TPRG1: variants seen among roughly 807,000 people sequenced by gnomAD.
TPRG1 encodes the protein tumor protein p63 regulated 1, also known as tumor protein p63-regulated gene 1 protein.
TPRG1 carries 29 observed loss-of-function variants against 29.3 expected under a neutral mutation model. That is an observed-to-expected ratio of 0.99 (90% CI 0.74 to 1.35). The LOEUF (loss-of-function observed/expected upper bound fraction) is 1.35. TPRG1 is among the 40% of genes most tolerant of loss of function. The pLI is 0.00. For synonymous variants in TPRG1, 130 were observed against 116.8 expected (o/e 1.11, Z -0.73); for missense variants, 327 against 335.0 (o/e 0.98, Z 0.19).
chr3:189,275,021 T>G (rs1468811275), intron 4 of TPRG1, among the ~76,000 whole-genome samples: 1 of 149,966 alleles, frequency 6.7e-6, no homozygotes, highest in Non-Finnish European at 1.5e-5. Flanking sequence ...CACAAAACCA[T>G]GCATTCATCA....
At chr3:189,277,871 C>T (rs1191042245) in intron 4 of TPRG1, among the ~76,000 whole-genome samples, 1 of 152,180 alleles carries the variant, frequency 6.6e-6, no homozygotes, top group Non-Finnish European at 1.5e-5. Flanking sequence ...CTCACTACCT[C>T]CTCAGCCAGC....
chr3:189,235,173 T>C lies in TPRG1; in HGVS notation c.303-3560T>C, dbSNP rs867649317. Among the ~76,000 whole-genome samples, 15 of 151,414 alleles carry C rather than the reference T, an allele frequency of 9.9e-5. No homozygotes were observed. The South Asian group carries it at 1.3e-3, about 13-fold the overall frequency. On this transcript the variant is annotated intron_variant, in intron 3 of 5. Transcript: ENST00000345063. ...TAATTTCTCAGAAAAGCAAGAACTGTTGAAGTGTTTTGAACCAGGGTAGGG... is the reference window on the plus strand; with the variant it reads ...TAATTTCTCAGAAAAGCAAGAACTGCTGAAGTGTTTTGAACCAGGGTAGGG...
intron 4 of TPRG1, among the ~76,000 whole-genome samples, chr3:189,068,431 TA>T (rs992987314): frequency 2.0e-5 from 3 of 152,008 alleles, no homozygotes; most frequent in Admixed American, 6.6e-5. Context: ...ATGAATGGAT[TA>T]AAAAAAGATG....
At chr3:189,166,635 C>A (rs973711034) in intron 5 of TPRG1, among the ~76,000 whole-genome samples, 1 of 152,142 alleles carries the variant, frequency 6.6e-6, no homozygotes, top group African/African-American at 2.4e-5. Context: ...GGTGTCTCAG[C>A]GTTTCAAAAG....
At chr3:189,197,645 T>C (rs144058896) in intron 1 of TPRG1, among the ~76,000 whole-genome samples, 1 of 152,330 alleles carries the variant, frequency 6.6e-6, no homozygotes, top group East Asian at 1.9e-4. Flanking sequence ...CACAAATCCT[T>C]ATATAGGTTT....
intron 5 of TPRG1, among the ~76,000 whole-genome samples, chr3:189,155,629 A>G (rs1726565741): frequency 6.6e-6 from 1 of 152,254 alleles, no homozygotes; most frequent in Non-Finnish European, 1.5e-5. Flanking sequence ...ATAAATGGAT[A>G]AAGAAAATAG....
chr3:189,031,461 T>G (rs1713931870), intron 4 of TPRG1, among the ~76,000 whole-genome samples: 1 of 152,228 alleles, frequency 6.6e-6, no homozygotes, highest in African/African-American at 2.4e-5. Flanking sequence ...TACTTAGATA[T>G]TAACATCTCT....
chr3:189,280,014 C>G (rs1290169068), intron 4 of TPRG1, among the ~76,000 whole-genome samples: 1 of 152,146 alleles, frequency 6.6e-6, no homozygotes, highest in Non-Finnish European at 1.5e-5. Context: ...GGATTGGTAG[C>G]CACTTCCCAT....
At position 189,012,256 on chromosome 3, in the gene TPRG1, A is replaced by G. The variant is rs201869284; in HGVS notation, c.-660+7496A>G. Among the ~76,000 whole-genome samples, 9 of 152,232 alleles carry G rather than the reference A, an allele frequency of 5.9e-5. No homozygotes were observed. In the East Asian group the frequency reaches 1.7e-3, roughly 29 times the overall value. On this transcript the variant is annotated intron_variant, in intron 3 of 10. Coordinates refer to the TPRG1 transcript ENST00000433971. ...CTAGCATTTGCCCATTCACTGTGAT[A>G]TTGGTTGTGGGTTTGTCATATATGA...
At chr3:189,246,427 A>G (rs1741394624) in intron 4 of TPRG1, among the ~76,000 whole-genome samples, 1 of 152,160 alleles carries the variant, frequency 6.6e-6, no homozygotes, top group African/African-American at 2.4e-5. Flanking sequence ...TTGTATTTAA[A>G]GTGTGTTTGT....
intron 4 of TPRG1, among the ~76,000 whole-genome samples, chr3:189,281,577 A>G (rs1717136662): frequency 6.6e-6 from 1 of 152,236 alleles, no homozygotes; most frequent in Non-Finnish European, 1.5e-5. Flanking sequence ...TATAAGAGAT[A>G]TGGAGACATT....
intron 5 of TPRG1, among the ~76,000 whole-genome samples, chr3:189,159,032 G>C (rs1727091332): frequency 6.6e-6 from 1 of 151,588 alleles, no homozygotes; most frequent in African/African-American, 2.4e-5. Context: ...GACATTTGCT[G>C]TCTCCGGGAT....
At chr3:189,302,779 C>T (rs1560675415) in intron 4 of TPRG1, among the ~76,000 whole-genome samples, 1 of 152,174 alleles carries the variant, frequency 6.6e-6, no homozygotes. Flanking sequence ...TAACTTGTTG[C>T]ATTTTCCTTA....
chr3:189,044,349 C>A (rs1578235182), intron 4 of TPRG1, among the ~76,000 whole-genome samples: 3 of 151,988 alleles, frequency 2.0e-5, no homozygotes. Flanking sequence ...GAGGTCAGGA[C>A]TTTGAGACCA....
chr3:189,290,522 A>G lies in TPRG1; in HGVS notation c.480-19864A>G, dbSNP rs181304238. ...GTCTTAACCCCTGTTAGGAATAAAT[A>G]GAACAAACAGATACGTTTTCCATCG... On this transcript the variant is annotated intron_variant, in intron 4 of 5. Coordinates refer to ENST00000345063, the MANE Select transcript of TPRG1 (RefSeq NM_198485.4). Among the ~76,000 whole-genome samples the G allele has an allele frequency of 1.2e-3, 186 of 152,388 alleles. 1 individual carries two copies. The highest frequency in any genetic ancestry group is 2.1e-4 in the South Asian group (1 of 4,830).
intron 4 of TPRG1, among the ~76,000 whole-genome samples, chr3:189,090,180 C>A (rs1467227829): frequency 1.3e-5 from 2 of 151,910 alleles, no homozygotes; most frequent in Admixed American, 6.6e-5. Context: ...AAGCTACATC[C>A]CCCAAATTTT....
In TPRG1 at chr3:189,321,396, C is replaced by T. The variant is rs541864073; in HGVS notation, c.*576C>T. ...AAAATCCTGTGGTATTTATATGGTC[C>T]CAGTTATCCATCCCTGAAGTCTGTC... is the stretch of plus-strand genomic sequence containing the variant. On this transcript the variant is annotated 3_prime_UTR_variant, in exon 6 of 6. Coordinates refer to ENST00000345063, the MANE Select transcript of TPRG1 (RefSeq NM_198485.4). 2.6e-5 allele frequency: 4 copies of T among 151,966 alleles called. No homozygotes were observed. Among genetic ancestry groups the T allele is most frequent in the Non-Finnish European group, 5.9e-5 (4 of 68,006 alleles). The allele number at this position is 151,966 out of a possible 1,614,324, so 9.4% of individuals were successfully genotyped here.
chr3:189,124,811 G>A (rs1240223048), intron 1 of TPRG1, among the ~76,000 whole-genome samples: 2 of 152,122 alleles, frequency 1.3e-5, no homozygotes, highest in African/African-American at 2.4e-5. Context: ...TCCACTACTG[G>A]CATGGAGCAA....
intron 4 of TPRG1, among the ~76,000 whole-genome samples, chr3:189,042,524 G>A (rs1714697274): frequency 6.6e-6 from 1 of 152,116 alleles, no homozygotes; most frequent in African/African-American, 2.4e-5. Context: ...TGAATGAAGA[G>A]GAAGGAGGAA....
Sources: gnomAD v4.1 joint callset for allele counts (sites outside exome capture counted in the v4.1 genomes callset) on GRCh38, gnomAD v4.1.1 for gene constraint, MANE v1.5 for transcripts, NCBI Gene and HGNC (gene_info 2026-07-23, HGNC 2026-07-21) for gene names.